Variants in HACE1 observed in about 807,000 individuals in gnomAD.
HACE1 encodes the protein HECT domain and ankyrin repeat containing E3 ubiquitin protein ligase 1.
In HACE1, 73 loss-of-function variants were observed where a neutral mutation model predicts 118.4. The observed-to-expected ratio is 0.62, with a 90% confidence interval of 0.51 to 0.75. The LOEUF (loss-of-function observed/expected upper bound fraction) is 0.75. Among genes scored for constraint, HACE1 ranks in the 30% least tolerant of loss-of-function variants. HACE1 has a pLI of 0.00. For missense variants in HACE1, 749 were observed against 1,102.2 expected, an observed-to-expected ratio of 0.68 and a Z score of 4.54; for synonymous variants, 368 against 374.8, an observed-to-expected ratio of 0.98 and a Z score of 0.21.
chr6:104,795,006 C>T (rs915734772), intron 10 of HACE1, among the ~76,000 whole-genome samples: 1 of 151,992 alleles, frequency 6.6e-6, no homozygotes, highest in Admixed American at 6.6e-5. Flanking sequence ...TCAGTGGCTG[C>T]TTATTCCTAA....
intron 22 of HACE1, among the ~76,000 whole-genome samples, chr6:104,735,263 T>C (rs1775688506): frequency 6.6e-6 from 1 of 152,090 alleles, no homozygotes; most frequent in Admixed American, 6.5e-5. Context: ...TTAAAAATGA[T>C]TGTGGAATAC....
chr6:104,841,143 G>A (rs916856606), intron 5 of HACE1, among the ~76,000 whole-genome samples: 4 of 151,634 alleles, frequency 2.6e-5, no homozygotes, highest in Non-Finnish European at 2.9e-5. Flanking sequence ...AAATAGCTGA[G>A]AGAAGTTGTT....
intron 18 of HACE1, 120 bp from the exon 19 acceptor site, chr6:104,771,509 A>G: frequency 1.5e-6 from 1 of 655,716 alleles, no homozygotes; most frequent in South Asian, 1.7e-5. Context: ...ACAATCCTAC[A>G]CACAGCATAT....
chr6:104,730,500 G>A (rs529947256), intron 22 of HACE1, 84 bp from the exon 23 acceptor site: 79 of 754,996 alleles, frequency 1.0e-4, no homozygotes, highest in Non-Finnish European at 1.8e-4. Flanking sequence ...GTTAGGGTAG[G>A]AATATATCCA....
At chr6:104,766,013 C>T (rs758654132) in intron 19 of HACE1, among the ~76,000 whole-genome samples, 7 of 152,166 alleles carry the variant, frequency 4.6e-5, no homozygotes, top group Non-Finnish European at 8.8e-5. Context: ...CCCTCTTTTC[C>T]CTGTCACTGT....
At chr6:104,747,613 G>A (rs190211978) in intron 20 of HACE1, among the ~76,000 whole-genome samples, 3 of 151,740 alleles carry the variant, frequency 2.0e-5, no homozygotes, top group African/African-American at 4.8e-5. Flanking sequence ...CAACAGTGAT[G>A]GTATCTGGGG....
Position 104,859,653 on chromosome 6 carries a change from CCCTCCGCGAT to C in HACE1, c.-21_-12del, listed in dbSNP as rs750235571. On this transcript the variant is annotated 5_prime_UTR_variant, in exon 1 of 24. Coordinates refer to ENST00000262903, the MANE Select transcript of HACE1 (RefSeq NM_020771.4). The stretch of plus-strand genomic sequence containing the variant: ...CATCGCTCTCTCCATCCTCGGCGCG[CCCTCCGCGAT>C]CCTCCGCGATCAGCCGCCCCACCGG... The C allele has an allele frequency of 2.4e-5, 37 of 1,530,900 alleles. 1 individual carries two copies. Among genetic ancestry groups the C allele is most frequent in the South Asian group, 2.4e-4 (20 of 82,786 alleles). The allele number at this position is 1,530,900 out of a possible 1,614,324, so 94.8% of individuals were successfully genotyped here.
At chr6:104,736,752 CAAGAG>C (rs1339824622) in intron 22 of HACE1, among the ~76,000 whole-genome samples, 1 of 151,978 alleles carries the variant, frequency 6.6e-6, no homozygotes, top group East Asian at 1.9e-4. Context: ...TAACAAACTG[CAAGAG>C]AAGTACCTTG....
intron 11 of HACE1, chr6:104,785,995 G>C (rs1243687130): frequency 1.3e-5 from 2 of 151,980 alleles, no homozygotes; most frequent in Non-Finnish European, 2.9e-5. Context: ...CTAATAATTA[G>C]TGTTTTTTTA....
intron 22 of HACE1, among the ~76,000 whole-genome samples, chr6:104,742,242 T>C (rs1776822494): frequency 1.5e-5 from 2 of 136,008 alleles, no homozygotes; most frequent in Admixed American, 7.2e-5. Context: ...ATTCAGGACA[T>C]AGGCATGGGC....
chr6:104,859,792 C>T lies in HACE1; in HGVS notation c.-150G>A, dbSNP rs958671725. On this transcript the variant is annotated 5_prime_UTR_variant, in exon 1 of 24. Transcript: ENST00000262903. ...ACTGAGCTGCGAGGGCTGCCTGGGG[C>T]CACGTCCTGCGTCCGGGGGCCGGGC... The T allele has an allele frequency of 1.1e-5, 7 of 666,418 alleles. No individual in the cohort carries two copies. The Middle Eastern group carries it at 1.2e-3, about 119-fold the overall frequency. 41.3% of individuals were successfully genotyped at this position (666,418 alleles called of 1,614,324 possible).
At position 104,801,482 on chromosome 6, in the gene HACE1, C is replaced by T. The variant is rs567639951; in HGVS notation, c.618-4457G>A. On this transcript the variant is annotated intron_variant, in intron 7 of 23. Transcript: ENST00000262903. ...CAGTCAGAGAGAAAGGTCAGTTACC[C>T]ACAAAGGGAAGCCCATCAGACTAAC... Among the ~76,000 whole-genome samples the T allele has an allele frequency of 6.6e-5, 10 of 152,240 alleles. No homozygotes were observed. The South Asian group carries it at 1.9e-3, about 28-fold the overall frequency.
intron 7 of HACE1, among the ~76,000 whole-genome samples, chr6:104,805,015 AAAAC>A (rs1353497616): frequency 6.6e-6 from 1 of 152,218 alleles, no homozygotes; most frequent in Non-Finnish European, 1.5e-5. Flanking sequence ...TTTACAAGAA[AAAAC>A]AAACAACCCC....
At chr6:104,762,343 T>C (rs1292290999) in intron 19 of HACE1, among the ~76,000 whole-genome samples, 1 of 152,168 alleles carries the variant, frequency 6.6e-6, no homozygotes, top group Admixed American at 6.5e-5. Flanking sequence ...ATGTGGCACA[T>C]ATACACCATG....
intron 19 of HACE1, among the ~76,000 whole-genome samples, chr6:104,756,804 G>A (rs943497622): frequency 2.6e-5 from 4 of 152,214 alleles, no homozygotes; most frequent in Non-Finnish European, 5.9e-5. Context: ...GGGAAGCCGT[G>A]ACTGACTGTC....
chr6:104,759,930 A>T (rs1257585164), intron 19 of HACE1, among the ~76,000 whole-genome samples: 1 of 152,234 alleles, frequency 6.6e-6, no homozygotes, highest in Non-Finnish European at 1.5e-5. Flanking sequence ...TCTCTATGCA[A>T]ATAAACTAGA....
At chr6:104,794,117 C>A (rs1351852080) in intron 10 of HACE1, among the ~76,000 whole-genome samples, 2 of 152,058 alleles carry the variant, frequency 1.3e-5, no homozygotes, top group African/African-American at 4.8e-5. Context: ...CTTGGCAAAT[C>A]ATTTAACTTC....
chr6:104,781,548 T>C (rs1781745493), intron 14 of HACE1, among the ~76,000 whole-genome samples: 1 of 152,122 alleles, frequency 6.6e-6, no homozygotes, highest in South Asian at 2.1e-4. Context: ...CAAGGTTCCT[T>C]CTAATTTCCT....
rs1782126960 is a variant in HACE1, at chr6:104,784,500, C to T, written c.1410-15G>A. 1 of 1,585,876 alleles carries T rather than the reference C, an allele frequency of 6.3e-7. No individual in the cohort carries two copies. The highest frequency in any genetic ancestry group is 8.7e-7 in the Non-Finnish European group (1 of 1,154,700). On this transcript the variant is annotated splice_polypyrimidine_tract_variant and intron_variant, in intron 12 of 23. Transcript: ENST00000262903. ...GTGAAGTCATTCTGTGGGGGGAAAA[C>T]ATCAATCAGAATACACAGGCAAAAG...
Sources: allele counts gnomAD v4.1 joint callset (sites outside exome capture counted in the v4.1 genomes callset), GRCh38; gene constraint gnomAD v4.1.1; transcripts MANE v1.5; gene names NCBI Gene and HGNC (gene_info 2026-07-23, HGNC 2026-07-21).